Variants in TRMT10A observed in about 807,000 individuals in gnomAD.
TRMT10A encodes tRNA methyltransferase 10A.
A neutral mutation model predicts 40.4 loss-of-function variants in TRMT10A; 37 were observed. That is an observed-to-expected ratio of 0.92 (90% CI 0.71 to 1.21). The LOEUF is 1.21. Among genes scored for constraint, TRMT10A ranks in the 50% most tolerant of loss-of-function variants. The probability of loss-of-function intolerance (pLI) is 0.00; values close to 1 mark genes in which losing one functional copy is unlikely to be tolerated. For missense variants in TRMT10A, 388 were observed against 404.3 expected (o/e 0.96, Z 0.35); for synonymous variants, 103 against 134.1 (o/e 0.77, Z 1.60).
chr4:99,563,489 T>C (rs1239881379), intron 1 of TRMT10A: 1 of 183,664 alleles, frequency 5.4e-6, no homozygotes, highest in African/African-American at 2.4e-5. Context: ...AGCCACGAAG[T>C]GGCAGGGCCA....
chr4:99,552,991 A>G (rs528974358), intron 6 of TRMT10A, among the ~76,000 whole-genome samples: 5 of 152,302 alleles, frequency 3.3e-5, no homozygotes, highest in Admixed American at 6.5e-5. Context: ...ATGTGGTTCT[A>G]TATAAATAAC....
At position 99,549,273 on chromosome 4, in the gene TRMT10A, CA is replaced by C; in HGVS notation, c.834del (p.Val279PhefsTer38). 6.2e-7 allele frequency: 1 copy of C among 1,614,160 alleles called. No individual in the cohort carries two copies. The highest frequency in any genetic ancestry group is 8.5e-7 in the Non-Finnish European group (1 of 1,180,008). ...CTTTCACAGGCTTTGTCTGTGGGAA[CA>C]GCTCCTTTCCGTTGGGGCAAGATAG... The part of the protein sequence containing the change: ...FFTILPQRKG[A>X]VPTDKACESA... On this transcript the variant is annotated frameshift_variant, in exon 8 of 8. Transcript: ENST00000394876. LOFTEE classifies it low-confidence loss of function (END_TRUNC).
chr4:99,554,018 C>A, intron 5 of TRMT10A, 84 bp from the exon 6 acceptor site: 3 of 1,366,338 alleles, frequency 2.2e-6, no homozygotes, highest in Non-Finnish European at 3.0e-6. Context: ...TTTCCCAAAA[C>A]AAATCCATTC....
At position 99,547,321 on chromosome 4, in the gene TRMT10A, G is replaced by A. The variant is rs1723774513; in HGVS notation, c.*1767C>T. ...AGGAAGCATGGCACTGGGACATTGT[G>A]AGTCTGGACATTTAGTCTCTGGAAC... On this transcript the variant is annotated 3_prime_UTR_variant, in exon 8 of 8. Coordinates refer to ENST00000394876, the MANE Select transcript of TRMT10A (RefSeq NM_001134665.3). 6.6e-6 allele frequency: 1 copy of A among 152,096 alleles called. No individual in the cohort carries two copies. Among genetic ancestry groups the A allele is most frequent in the African/African-American group, 2.4e-5 (1 of 41,418 alleles). The allele number at this position is 152,096 out of a possible 1,614,324, so 9.4% of individuals were successfully genotyped here.
chr4:99,563,961 C>T lies in TRMT10A; in HGVS notation c.-72G>A. 5 of 1,081,952 alleles carry T rather than the reference C, an allele frequency of 4.6e-6. No individual in the cohort carries two copies. The highest frequency in any genetic ancestry group is 5.4e-6 in the Non-Finnish European group (4 of 734,110). The allele number at this position is 1,081,952 out of a possible 1,614,324, so 67.0% of individuals were successfully genotyped here. ...GTGAAATCTCAGAAAGAAAGCCTTT[C>T]TGGGTTGGCCTGGTTACGGCTCACG... is the stretch of plus-strand genomic sequence containing the variant. On this transcript the variant is annotated 5_prime_UTR_variant, in exon 1 of 8. Coordinates refer to ENST00000394876, the MANE Select transcript of TRMT10A (RefSeq NM_001134665.3).
intron 1 of TRMT10A, among the ~76,000 whole-genome samples, chr4:99,562,199 A>ATGTGTGTGTGTGTG (rs565108332): frequency 0.27 from 31,357 of 117,058 alleles, 3,532 homozygotes; most frequent in African/African-American, 0.36. Flanking sequence ...ATATATATAT[A>ATGTGTGTGTGTGTG]TATGTGTGTG....
At chr4:99,549,740 A>G (rs1723890066) in intron 7 of TRMT10A, among the ~76,000 whole-genome samples, 1 of 152,072 alleles carries the variant, frequency 6.6e-6, no homozygotes, top group Admixed American at 6.5e-5. Context: ...AGCCACTCAC[A>G]CTAGGATCTC....
At chr4:99,559,433 T>G (rs926395297) in intron 1 of TRMT10A, 72 bp from the exon 2 acceptor site, 2 of 974,308 alleles carry the variant, frequency 2.1e-6, no homozygotes, top group African/African-American at 3.3e-5. Context: ...TGATTAAAGT[T>G]AAACCATAAA....
chr4:99,563,734 G>T lies in TRMT10A; in HGVS notation c.-24+179C>A. ...GGAGCAGCTGGGTAGGCCGCGGGGG[G>T]CGCCTGTCATCGACGTCATTTCCTT... On this transcript the variant is annotated intron_variant, in intron 1 of 7. Coordinates refer to ENST00000394876, the MANE Select transcript of TRMT10A (RefSeq NM_001134665.3). 13 of 398,800 alleles carry T rather than the reference G, an allele frequency of 3.3e-5. No homozygotes were observed. The East Asian group carries it at 6.1e-4, about 19-fold the overall frequency. 24.7% of individuals were successfully genotyped at this position (398,800 alleles called of 1,614,324 possible).
At chr4:99,562,718 G>C (rs934223974) in intron 1 of TRMT10A, among the ~76,000 whole-genome samples, 7 of 151,930 alleles carry the variant, frequency 4.6e-5, no homozygotes, top group African/African-American at 1.2e-4. Flanking sequence ...GTAGAGACGG[G>C]GTTTCACCAC....
chr4:99,563,835 G>C, intron 1 of TRMT10A, 78 bp downstream of exon 1: 1 of 657,000 alleles, frequency 1.5e-6, no homozygotes, highest in Admixed American at 2.1e-5. Flanking sequence ...GCTAGTAGGG[G>C]GCTGCATGGC....
intron 1 of TRMT10A, chr4:99,563,609 G>C (rs1215308738): frequency 1.1e-5 from 3 of 266,448 alleles, no homozygotes; most frequent in African/African-American, 6.8e-5. Context: ...CCGACGGAAA[G>C]CGCCCCACCA....
rs1723806202 is a variant in TRMT10A, at chr4:99,548,130, G to A, written c.*958C>T. ...ATCATGTTATCATCAATTAAGAACT[G>A]AGAGCCATACATGATGAGGATAGTT... On this transcript the variant is annotated 3_prime_UTR_variant, in exon 8 of 8. Coordinates refer to ENST00000394876, the MANE Select transcript of TRMT10A (RefSeq NM_001134665.3). 6.6e-6 allele frequency: 1 copy of A among 152,088 alleles called. No individual in the cohort carries two copies. The highest frequency in any genetic ancestry group is 2.4e-5 in the African/African-American group (1 of 41,424). The allele number at this position is 152,088 out of a possible 1,614,324, so 9.4% of individuals were successfully genotyped here. A position where few individuals can be genotyped will look rare whatever the true frequency, so the allele number is the denominator to read the frequency against.
chr4:99,555,032 A>G (rs1280469871), intron 5 of TRMT10A, among the ~76,000 whole-genome samples: 2 of 152,208 alleles, frequency 1.3e-5, no homozygotes, highest in East Asian at 1.9e-4. Context: ...GGAAAATGTT[A>G]TATTACAAAT....
chr4:99,552,179 T>C (rs1353581320), intron 6 of TRMT10A, among the ~76,000 whole-genome samples: 1 of 152,206 alleles, frequency 6.6e-6, no homozygotes, highest in Non-Finnish European at 1.5e-5. Flanking sequence ...ACAGTATTTA[T>C]AAAGTCTACA....
At chr4:99,557,463 T>A in intron 3 of TRMT10A, 47 bp from the exon 4 acceptor site, 1 of 1,549,978 alleles carries the variant, frequency 6.5e-7, no homozygotes, top group Non-Finnish European at 8.9e-7. Flanking sequence ...AAATTGTCTA[T>A]GGCCATTCTA....
intron 3 of TRMT10A, 160 bp from the exon 4 acceptor site, chr4:99,557,576 A>C: frequency 1.7e-6 from 1 of 582,124 alleles, no homozygotes; most frequent in Non-Finnish European, 2.9e-6. Flanking sequence ...ATTTCCTTAC[A>C]TACTAGCAAA....
Position 99,556,210 on chromosome 4 carries a change from G to C in TRMT10A, c.431C>G (p.Thr144Arg), listed in dbSNP as rs79874457. The change falls in exon 5 of 8, where the codon ACA becomes AGA. Residue 144 changes from threonine (T) to arginine (R), a missense_variant. Transcript: ENST00000394876. ...CTTTTTCAGCTGGCCTCCGTGGCTTGTCAAGTAAAACTGATAAAAGATTTG... is the reference window on the plus strand; with the variant it reads ...CTTTTTCAGCTGGCCTCCGTGGCTTCTCAAGTAAAACTGATAAAAGATTTG... ...RALHPVQFYL[T>R]SHGGQLKKNM... 1.2e-5 allele frequency: 19 copies of C among 1,613,018 alleles called. No individual in the cohort carries two copies. Among genetic ancestry groups the C allele is most frequent in the Non-Finnish European group, 1.6e-5 (19 of 1,179,502 alleles).
Position 99,552,473 on chromosome 4 carries a change from T to C in TRMT10A, c.645+1312A>G, listed in dbSNP as rs952001722. ...GCTATGCCATACAGCCTATGTGTAG[T>C]AGGCTATACCATCTAGGTTTCTGTA... On this transcript the variant is annotated intron_variant, in intron 6 of 7. Coordinates refer to ENST00000394876, the MANE Select transcript of TRMT10A (RefSeq NM_001134665.3). Among the ~76,000 whole-genome samples the C allele has an allele frequency of 2.6e-5, 4 of 152,294 alleles. No individual in the cohort carries two copies. In the South Asian group the frequency reaches 8.3e-4, roughly 32 times the overall value.
Sources: gnomAD v4.1 joint callset for allele counts (sites outside exome capture counted in the v4.1 genomes callset) on GRCh38, gnomAD v4.1.1 for gene constraint, MANE v1.5 for transcripts, NCBI Gene and HGNC (gene_info 2026-07-23, HGNC 2026-07-21) for gene names.